Variants in GRM1 observed in about 807,000 individuals in gnomAD.
GRM1 encodes the protein glutamate metabotropic receptor 1.
A neutral mutation model predicts 90.9 loss-of-function variants in GRM1; 33 were observed. The observed-to-expected ratio is 0.36, with a 90% CI of 0.28 to 0.49. The LOEUF is 0.49. GRM1 is among the 20% of genes least tolerant of loss of function. GRM1 has a pLI of 0.99. For missense variants in GRM1, 1,190 were observed against 1,534.3 expected (o/e 0.78, Z 3.75); for synonymous variants, 700 against 613.2 (o/e 1.14, Z -2.09).
At chr6:146,186,862 C>T (rs558135382) in intron 2 of GRM1, among the ~76,000 whole-genome samples, 1 of 152,156 alleles carries the variant, frequency 6.6e-6, no homozygotes, top group Non-Finnish European at 1.5e-5. Context: ...TGTACATTGT[C>T]CTAACTCAAC....
chr6:146,158,880 C>G (rs1743156360), intron 1 of GRM1, among the ~76,000 whole-genome samples: 2 of 152,138 alleles, frequency 1.3e-5, no homozygotes, highest in African/African-American at 4.8e-5. Context: ...ATTTATTTTG[C>G]TTGCTCATTC....
intron 2 of GRM1, among the ~76,000 whole-genome samples, chr6:146,254,044 GAGGGTCCT>G (rs2114771801): frequency 6.6e-6 from 1 of 152,036 alleles, no homozygotes; most frequent in Non-Finnish European, 1.5e-5. Flanking sequence ...GTATAAGTTT[GAGGGTCCT>G]TTGATTCTGA....
At chr6:146,360,038 CT>C (rs145134924) in intron 5 of GRM1, among the ~76,000 whole-genome samples, 7,105 of 152,218 alleles carry the variant, frequency 0.047, 225 homozygotes, top group African/African-American at 0.088. Flanking sequence ...TCTAACATCA[CT>C]AATTTGCCAC....
At chr6:146,418,902 T>C (rs571407543) in intron 7 of GRM1, among the ~76,000 whole-genome samples, 1 of 152,150 alleles carries the variant, frequency 6.6e-6, no homozygotes, top group Non-Finnish European at 1.5e-5. Context: ...AATTCTATGG[T>C]TTTCTTAATT....
intron 2 of GRM1, among the ~76,000 whole-genome samples, chr6:146,246,839 T>A (rs1231004115): frequency 1.3e-5 from 2 of 152,186 alleles, no homozygotes; most frequent in Non-Finnish European, 2.9e-5. Context: ...GTGAAAATGG[T>A]GAATTTACAA....
At chr6:146,351,639 C>T (rs765088442) in intron 3 of GRM1, among the ~76,000 whole-genome samples, 1 of 152,086 alleles carries the variant, frequency 6.6e-6, no homozygotes, top group South Asian at 2.1e-4. Context: ...GTGACTCTTC[C>T]ATCAAGAAAC....
intron 2 of GRM1, among the ~76,000 whole-genome samples, chr6:146,208,870 T>A (rs1348630998): frequency 6.6e-6 from 1 of 152,138 alleles, no homozygotes; most frequent in Admixed American, 6.6e-5. Context: ...AACAGCATAG[T>A]TTATTTCTTT....
At chr6:146,135,782 G>A (rs1776595412) in intron 1 of GRM1, among the ~76,000 whole-genome samples, 1 of 152,114 alleles carries the variant, frequency 6.6e-6, no homozygotes, top group Admixed American at 6.5e-5. Flanking sequence ...TACCCTTCAT[G>A]TTACAAACAA....
At position 146,059,461 on chromosome 6, in the gene GRM1, T is replaced by G. The variant is rs948217674; in HGVS notation, c.700+29244T>G. 4.6e-5 allele frequency among the ~76,000 whole-genome samples: 7 copies of G among 152,260 alleles called. No individual in the cohort carries two copies. The East Asian group carries it at 1.2e-3, about 25-fold the overall frequency. On this transcript the variant is annotated intron_variant, in intron 1 of 7. Transcript: ENST00000282753. ...CCGTCATTCAGGCTATATTGCTCCA[T>G]TTATAAAGCACAGGCAAAGTAGATT...
At chr6:146,149,876 T>C (rs1777257782) in intron 1 of GRM1, among the ~76,000 whole-genome samples, 2 of 152,296 alleles carry the variant, frequency 1.3e-5, no homozygotes, top group Non-Finnish European at 1.5e-5. Context: ...GATTCTTTTG[T>C]TCTCTTTGAT....
intron 1 of GRM1, among the ~76,000 whole-genome samples, chr6:146,149,550 AC>A (rs2128887485): frequency 6.6e-6 from 1 of 152,266 alleles, no homozygotes; most frequent in African/African-American, 2.4e-5. Flanking sequence ...GTGCATTATG[AC>A]CTCCATTTTA....
chr6:146,391,201 G>A (rs1253497668), intron 6 of GRM1, among the ~76,000 whole-genome samples: 2 of 152,046 alleles, frequency 1.3e-5, no homozygotes, highest in African/African-American at 4.8e-5. Context: ...CATATAAGAT[G>A]TACTGGATCT....
chr6:146,210,072 C>G (rs1400507550), intron 2 of GRM1, among the ~76,000 whole-genome samples: 2 of 152,198 alleles, frequency 1.3e-5, no homozygotes, highest in Non-Finnish European at 2.9e-5. Context: ...GAATTATTAG[C>G]AATTACATTT....
At chr6:146,238,460 A>G (rs1331097532) in intron 2 of GRM1, among the ~76,000 whole-genome samples, 4 of 152,114 alleles carry the variant, frequency 2.6e-5, no homozygotes, top group Non-Finnish European at 5.9e-5. Context: ...GCTGGGTTTT[A>G]TAGAAAGAGG....
intron 2 of GRM1, among the ~76,000 whole-genome samples, chr6:146,189,370 T>C (rs1271583907): frequency 6.6e-6 from 1 of 152,196 alleles, no homozygotes. Flanking sequence ...TCCTGCTGCT[T>C]TTTCCATCTG....
chr6:146,118,925 G>C (rs1208787732), intron 1 of GRM1, among the ~76,000 whole-genome samples: 1 of 152,204 alleles, frequency 6.6e-6, no homozygotes, highest in Non-Finnish European at 1.5e-5. Context: ...CTTTATAGCA[G>C]CATGATTTAT....
chr6:146,277,849 G>A (rs1782430095), intron 2 of GRM1, among the ~76,000 whole-genome samples: 1 of 152,030 alleles, frequency 6.6e-6, no homozygotes, highest in African/African-American at 2.4e-5. Flanking sequence ...ACTTAAGAAA[G>A]CTTTCCTAAA....
chr6:146,279,594 AT>A (rs1353366338), intron 2 of GRM1, among the ~76,000 whole-genome samples: 3 of 152,248 alleles, frequency 2.0e-5, no homozygotes, highest in African/African-American at 2.4e-5. Flanking sequence ...GTGTTGCTTA[AT>A]TCAAAATATT....
chr6:146,191,986 A>G (rs1778948548), intron 2 of GRM1, among the ~76,000 whole-genome samples: 1 of 152,210 alleles, frequency 6.6e-6, no homozygotes, highest in Non-Finnish European at 1.5e-5. Context: ...GGATAAACAT[A>G]TTGATCTATT....
Sources: gnomAD v4.1 joint callset for allele counts (sites outside exome capture counted in the v4.1 genomes callset) on GRCh38, gnomAD v4.1.1 for gene constraint, MANE v1.5 for transcripts, NCBI Gene and HGNC (gene_info 2026-07-23, HGNC 2026-07-21) for gene names.